Variants in DCX observed in about 807,000 individuals in gnomAD.
DCX encodes neuronal migration protein doublecortin.
In DCX, 4 loss-of-function variants were observed where a neutral mutation model predicts 20.9. That is an observed-to-expected ratio of 0.19 (90% confidence interval 0.09 to 0.44). The LOEUF is 0.44. DCX is among the 20% of genes least tolerant of loss of function. DCX has a pLI of 0.99. For synonymous variants in DCX, 103 were observed against 111.4 expected, an observed-to-expected ratio of 0.92 and a Z score of 0.47; for missense variants, 133 against 296.9, an observed-to-expected ratio of 0.45 and a Z score of 4.06.
chrX:111,408,637 A>G (rs753367701), intron 2 of DCX, among the ~76,000 whole-genome samples: 13 of 50,277 alleles, frequency 2.6e-4, no homozygotes, highest in African/African-American at 1.4e-3. Flanking sequence ...GAAAAGAGAA[A>G]GAAAGAAAGA....
At position 111,301,483 on chromosome X, in the gene DCX, A is replaced by C. The variant is rs1449513173; in HGVS notation, c.*204T>G. On this transcript the variant is annotated 3_prime_UTR_variant, in exon 7 of 7. Coordinates refer to ENST00000636035, the MANE Select transcript of DCX (RefSeq NM_001195553.2). Reference sequence around the variant, plus strand: ...GGATGGTTATCAATCTATCTCTCATAATTGGTAACTGTGGATCAGTGGCCC... The same window carrying C: ...GGATGGTTATCAATCTATCTCTCATCATTGGTAACTGTGGATCAGTGGCCC... The C allele has an allele frequency of 2.1e-6, 1 of 472,694 alleles. No homozygotes were observed. The highest frequency in any genetic ancestry group is 3.8e-6 in the Non-Finnish European group (1 of 262,459). The allele number at this position is 472,694 out of a possible 1,213,427, so 39.0% of individuals were successfully genotyped here. A position where few individuals can be genotyped will look rare whatever the true frequency, so the allele number is the denominator to read the frequency against.
intron 2 of DCX, among the ~76,000 whole-genome samples, chrX:111,409,040 T>C (rs778696520): frequency 3.2e-4 from 36 of 111,434 alleles, no homozygotes; most frequent in Non-Finnish European, 6.4e-4. Flanking sequence ...GGCTGGATAA[T>C]GGGGGAGGGG....
At chrX:111,407,220 G>A (rs1270441406) in intron 2 of DCX, among the ~76,000 whole-genome samples, 1 of 111,405 alleles carries the variant, frequency 9.0e-6, no homozygotes, top group African/African-American at 3.3e-5. Context: ...TTTCCTCAAG[G>A]TCTTACAGGC....
intron 3 of DCX, among the ~76,000 whole-genome samples, chrX:111,349,963 C>T (rs1286574788): frequency 9.0e-6 from 1 of 111,323 alleles, no homozygotes; most frequent in Non-Finnish European, 1.9e-5. Context: ...ACTCTTAGGC[C>T]TCAAGGAGAG....
At chrX:111,397,121 T>C (rs1927381418) in intron 3 of DCX, among the ~76,000 whole-genome samples, 1 of 111,826 alleles carries the variant, frequency 8.9e-6, no homozygotes, top group South Asian at 3.8e-4. Flanking sequence ...ATCAGTCAAA[T>C]GATACACACA....
At chrX:111,369,115 C>A (rs1304302116) in intron 3 of DCX, among the ~76,000 whole-genome samples, 1 of 110,478 alleles carries the variant, frequency 9.1e-6, no homozygotes, top group Non-Finnish European at 1.9e-5. Flanking sequence ...AGGCCAGTCT[C>A]GTCTTTTCAC....
At chrX:111,376,228 A>G (rs1925521007) in intron 3 of DCX, among the ~76,000 whole-genome samples, 1 of 111,959 alleles carries the variant, frequency 8.9e-6, no homozygotes, top group South Asian at 3.7e-4. Context: ...ATTCCTGTGT[A>G]GTAACACACC....
intron 5 of DCX, among the ~76,000 whole-genome samples, chrX:111,320,343 A>C (rs2095083584): frequency 8.9e-6 from 1 of 112,339 alleles, no homozygotes; most frequent in African/African-American, 3.2e-5. Flanking sequence ...CAAGTAAAAG[A>C]AGCAGCAGGA....
At chrX:111,371,865 A>G (rs1005669622) in intron 3 of DCX, among the ~76,000 whole-genome samples, 2 of 110,767 alleles carry the variant, frequency 1.8e-5, no homozygotes, top group African/African-American at 3.3e-5. Context: ...GTAAGAGCTC[A>G]AAAACTACTA....
Position 111,298,611 on chromosome X carries a change from C to G in DCX, c.*3076G>C, listed in dbSNP as rs1326474094. The G allele has an allele frequency of 8.9e-6, 1 of 111,931 alleles. No individual in the cohort carries two copies. The highest frequency in any genetic ancestry group is 1.9e-5 in the Non-Finnish European group (1 of 53,153). The allele number at this position is 111,931 out of a possible 1,213,427, so 9.2% of individuals were successfully genotyped here. A position where few individuals can be genotyped will look rare whatever the true frequency, so the allele number is the denominator to read the frequency against. On this transcript the variant is annotated 3_prime_UTR_variant, in exon 7 of 7. Coordinates refer to ENST00000636035, the MANE Select transcript of DCX (RefSeq NM_001195553.2). ...CAGCTGTGTGACCTTGGGGAAATTA[C>G]TTTACCTCTGTGTCTCGGTTTCCTG... is the stretch of plus-strand genomic sequence containing the variant.
Position 111,390,527 on chromosome X carries a change from T to C in DCX, c.705+10463A>G, listed in dbSNP as rs186292669. Among the ~76,000 whole-genome samples the C allele has an allele frequency of 2.4e-3, 270 of 112,074 alleles. 1 individual carries two copies. Among genetic ancestry groups the C allele is most frequent in the African/African-American group, 8.1e-3 (251 of 30,843 alleles). ...TTCTACCTCACAAATATTTCTTGGC[T>C]TTGTTTTCTCCTTTTTAATTTCCAC... On this transcript the variant is annotated intron_variant, in intron 3 of 6. Coordinates refer to ENST00000636035, the MANE Select transcript of DCX (RefSeq NM_001195553.2).
chrX:111,379,038 C>G (rs1252609259), intron 3 of DCX, among the ~76,000 whole-genome samples: 1 of 111,607 alleles, frequency 9.0e-6, no homozygotes, highest in Non-Finnish European at 1.9e-5. Context: ...TTTCTTGTCT[C>G]CAGAACTGTG....
At position 111,296,202 on chromosome X, in the gene DCX, A is replaced by G. The variant is rs1027590507; in HGVS notation, c.*5485T>C. On this transcript the variant is annotated 3_prime_UTR_variant, in exon 7 of 7. Coordinates refer to ENST00000636035, the MANE Select transcript of DCX (RefSeq NM_001195553.2). Reference sequence around the variant, plus strand: ...GAGATACACAAGAGGTAGAGCGGCAAAAAGCCATTGATTCCCTCAGGTTAT... The same window carrying G: ...GAGATACACAAGAGGTAGAGCGGCAGAAAGCCATTGATTCCCTCAGGTTAT... 1.8e-5 allele frequency: 2 copies of G among 111,929 alleles called. No individual in the cohort carries two copies. Among genetic ancestry groups the G allele is most frequent in the African/African-American group, 6.5e-5 (2 of 30,745 alleles). The allele number at this position is 111,929 out of a possible 1,213,427, so 9.2% of individuals were successfully genotyped here.
chrX:111,401,459 T>C, intron 2 of DCX, 129 bp from the exon 3 acceptor site: 1 of 579,727 alleles, frequency 1.7e-6, no homozygotes, highest in South Asian at 3.0e-5. Context: ...CAACCTTAGG[T>C]GCAATTCCTA....
chrX:111,409,666 T>C (rs1441006113), intron 2 of DCX, among the ~76,000 whole-genome samples: 3 of 112,305 alleles, frequency 2.7e-5, no homozygotes, highest in Non-Finnish European at 5.6e-5. Flanking sequence ...TAATATTTTC[T>C]CTGTTAACCC....
chrX:111,405,203 C>A (rs1355656480), intron 2 of DCX, among the ~76,000 whole-genome samples: 6 of 112,274 alleles, frequency 5.3e-5, no homozygotes, highest in Non-Finnish European at 1.1e-4. Flanking sequence ...CTTCTCAGTG[C>A]AAAAGCAAGC....
In DCX at chrX:111,313,232, C is replaced by T. The variant is rs760954977; in HGVS notation, c.947-496G>A. On this transcript the variant is annotated intron_variant, in intron 5 of 6. Transcript: ENST00000636035. The stretch of plus-strand genomic sequence containing the variant: ...AAAGACAGCCCCATTGTTAGTCTCT[C>T]CCCCTCTCTTTTCCTGCTCATGCCA... Among the ~76,000 whole-genome samples, 8 of 110,753 alleles carry T rather than the reference C, an allele frequency of 7.2e-5. No homozygotes were observed. In the East Asian group the frequency reaches 1.4e-3, roughly 20 times the overall value.
At chrX:111,407,754 C>A (rs962762685) in intron 2 of DCX, among the ~76,000 whole-genome samples, 1 of 107,601 alleles carries the variant, frequency 9.3e-6, no homozygotes, top group Non-Finnish European at 1.9e-5. Flanking sequence ...TTATTGCCTA[C>A]CTATGTTGAA....
chrX:111,324,902 G>A (rs937318769), intron 5 of DCX, among the ~76,000 whole-genome samples: 1 of 111,538 alleles, frequency 9.0e-6, no homozygotes, highest in Non-Finnish European at 1.9e-5. Context: ...CTCATGTAGG[G>A]AAATATCACC....
Sources: allele counts gnomAD v4.1 joint callset (sites outside exome capture counted in the v4.1 genomes callset), GRCh38; gene constraint gnomAD v4.1.1; transcripts MANE v1.5; gene names NCBI Gene and HGNC (gene_info 2026-07-23, HGNC 2026-07-21).